The following TMCO6 variants were observed in gnomAD, a reference collection of about 807,000 sequenced individuals.
TMCO6 encodes the protein transmembrane and coiled-coil domain-containing protein 6.
Under a neutral mutation model 61.8 loss-of-function variants are expected in TMCO6, and 47 were observed. That is an observed-to-expected ratio of 0.76 (90% CI 0.60 to 0.97). TMCO6 has a LOEUF of 0.97. Among genes scored for constraint, TMCO6 ranks in the 50% least tolerant of loss-of-function variants. TMCO6 has a pLI of 0.00. For missense variants in TMCO6, 557 were observed against 601.6 expected, an observed-to-expected ratio of 0.93 and a Z score of 0.78; for synonymous variants, 261 against 254.2, an observed-to-expected ratio of 1.03 and a Z score of -0.25.
the TMCO6 span, among the ~76,000 whole-genome samples, chr5:140,617,745 A>AAG: frequency 3.1e-4 from 47 of 150,212 alleles, 1 homozygote; most frequent in Non-Finnish European, 4.0e-4. Flanking sequence ...AAAAAAAAAA[A>AAG]AAACTCAAGG....
Position 140,643,630 on chromosome 5 carries a change from C to T in TMCO6, c.873C>T (p.Asp291=). 1 of 1,614,018 alleles carries T rather than the reference C, an allele frequency of 6.2e-7. No individual in the cohort carries two copies. The highest frequency in any genetic ancestry group is 8.5e-7 in the Non-Finnish European group (1 of 1,179,924). ...CTACTCTGGGGTTGCTGCTGTTGGA[C>T]TTGGCTGGGGCTGTCCAGAAAACCG... ...ALSTLGLLLL[D]LAGAVQKTED... The change falls in exon 8 of 12, where the codon GAC becomes GAT. Residue 291 remains aspartate (D), a synonymous_variant. Coordinates refer to ENST00000394671, the MANE Select transcript of TMCO6 (RefSeq NM_018502.5).
chr5:140,605,056 C>T, the TMCO6 span, among the ~76,000 whole-genome samples: 1 of 152,008 alleles, frequency 6.6e-6, no homozygotes, highest in Admixed American at 6.6e-5. Flanking sequence ...AGGTTTTAAC[C>T]TCTTTGGTAA....
At chr5:140,632,225 G>A in the TMCO6 span, 4 of 1,613,622 alleles carry the variant, frequency 2.5e-6, no homozygotes, top group South Asian at 3.3e-5. The surrounding 1 kb of genome is among the most constrained non-coding windows in gnomAD (Gnocchi z 6.2). Flanking sequence ...TGAGGTCTAG[G>A]CTGTGGGGCT....
chr5:140,617,945 G>A, the TMCO6 span, among the ~76,000 whole-genome samples: 1 of 152,146 alleles, frequency 6.6e-6, no homozygotes, highest in Non-Finnish European at 1.5e-5. Context: ...ACGAGCAAAA[G>A]GCTCAGAATA....
the TMCO6 span, among the ~76,000 whole-genome samples, chr5:140,615,774 C>T: frequency 6.6e-6 from 1 of 152,058 alleles, no homozygotes; most frequent in African/African-American, 2.4e-5. Flanking sequence ...TACTTTATAC[C>T]ATATGTAAAA....
chr5:140,643,428 C>G (rs558129123), intron 7 of TMCO6, 136 bp from the exon 8 acceptor site: 60 of 819,990 alleles, frequency 7.3e-5, no homozygotes, highest in Non-Finnish European at 1.1e-4. Flanking sequence ...AACTCCTGAC[C>G]TCAGGTGATC....
At chr5:140,639,305 G>A, upstream of TMCO6, 1 of 544,190 alleles carries the variant, frequency 1.8e-6, no homozygotes. Flanking sequence ...CGACGCCTCT[G>A]GCTCTGGTCT....
the TMCO6 span, chr5:140,633,232 T>A: frequency 3.3e-5 from 29 of 870,738 alleles, no homozygotes; most frequent in East Asian, 7.4e-4. Flanking sequence ...TTCAGTTCCC[T>A]CCTCTGTGAA....
the TMCO6 span, among the ~76,000 whole-genome samples, chr5:140,610,891 C>T: frequency 6.6e-6 from 1 of 152,126 alleles, no homozygotes; most frequent in South Asian, 2.1e-4. Context: ...AGAAAGTTCC[C>T]TTCCTTCCTT....
chr5:140,647,304 G>A (rs1378161060), downstream of TMCO6: 1 of 1,587,872 alleles, frequency 6.3e-7, no homozygotes, highest in South Asian at 1.1e-5. Flanking sequence ...TCGCGGATTA[G>A]GATGGGTAGG....
intron 11 of TMCO6, 43 bp downstream of exon 11, chr5:140,644,783 A>C: frequency 6.2e-7 from 1 of 1,608,892 alleles, no homozygotes; most frequent in Middle Eastern, 1.7e-4. Flanking sequence ...CCTGTTCTGA[A>C]GCCACACAGT....
upstream of TMCO6, among the ~76,000 whole-genome samples, chr5:140,635,072 G>T (rs183012174): frequency 6.6e-6 from 1 of 152,186 alleles, no homozygotes; most frequent in African/African-American, 2.4e-5. Flanking sequence ...ATGAGCCACC[G>T]TGCCCGGCAG....
chr5:140,601,924 C>T, the TMCO6 span, among the ~76,000 whole-genome samples: 4 of 152,066 alleles, frequency 2.6e-5, no homozygotes, highest in Admixed American at 6.6e-5. Context: ...TATTTTTAAG[C>T]GAATACAATA....
chr5:140,646,968 TATATTG>T, downstream of TMCO6: 1 of 340,396 alleles, frequency 2.9e-6, no homozygotes, highest in Non-Finnish European at 5.4e-6. Context: ...TTGGAGAAAC[TATATTG>T]ACTAACTTCT....
At chr5:140,617,055 A>G in the TMCO6 span, among the ~76,000 whole-genome samples, 1 of 149,940 alleles carries the variant, frequency 6.7e-6, no homozygotes, top group Non-Finnish European at 1.5e-5. Flanking sequence ...AAAAAAAGAA[A>G]AAAAAAAAAG....
At chr5:140,612,785 T>C in the TMCO6 span, among the ~76,000 whole-genome samples, 1 of 152,260 alleles carries the variant, frequency 6.6e-6, no homozygotes, top group Non-Finnish European at 1.5e-5. Flanking sequence ...ACATAGTTTA[T>C]GGTCTTCAAA....
upstream of TMCO6, among the ~76,000 whole-genome samples, chr5:140,636,218 G>A (rs1048181073): frequency 1.3e-5 from 2 of 152,060 alleles, no homozygotes; most frequent in African/African-American, 4.8e-5. Context: ...TGCTGGTCTC[G>A]AACTCCTGAC....
downstream of TMCO6, chr5:140,647,237 C>T (rs2149802839): frequency 6.5e-7 from 1 of 1,530,712 alleles, no homozygotes; most frequent in South Asian, 1.3e-5. Flanking sequence ...GCCCCAGACC[C>T]CTGGCGTCCC....
At chr5:140,635,078 G>C (rs961386058), upstream of TMCO6, among the ~76,000 whole-genome samples, 1 of 152,206 alleles carries the variant, frequency 6.6e-6, no homozygotes. Context: ...CACCGTGCCC[G>C]GCAGAAAGTC....
Sources: gnomAD v4.1 joint callset for allele counts (sites outside exome capture counted in the v4.1 genomes callset) on GRCh38, gnomAD v4.1.1 for gene constraint, Gnocchi (gnomAD v3.1) non-coding constraint, MANE v1.5 for transcripts, NCBI Gene and HGNC (gene_info 2026-07-23, HGNC 2026-07-21) for gene names.